The following WDR70 variants were observed in gnomAD, a reference collection of about 807,000 sequenced individuals.
The protein encoded by WDR70 is WD repeat-containing protein 70.
Under a neutral mutation model 88.6 loss-of-function variants are expected in WDR70, and 53 were observed. The ratio of observed to expected loss-of-function variants is 0.60; its 90% confidence interval spans 0.48 to 0.75. The LOEUF (loss-of-function observed/expected upper bound fraction) is 0.75, where lower values mean the gene tolerates loss of function less well. WDR70 is among the 30% of genes least tolerant of loss of function. The pLI is 0.00. For synonymous variants in WDR70, 280 were observed against 270.0 expected (o/e 1.04, Z -0.36); for missense variants, 610 against 823.2 (o/e 0.74, Z 3.17).
intron 13 of WDR70, among the ~76,000 whole-genome samples, chr5:37,713,926 A>G (rs983788434): frequency 1.3e-5 from 2 of 152,206 alleles, no homozygotes; most frequent in African/African-American, 4.8e-5. Flanking sequence ...AATTCTGGCC[A>G]AACTTTCACA....
At chr5:37,505,224 A>G (rs1239230668) in intron 8 of WDR70, among the ~76,000 whole-genome samples, 1 of 152,174 alleles carries the variant, frequency 6.6e-6, no homozygotes, top group African/African-American at 2.4e-5. Context: ...GTAGATCTGG[A>G]TTTAATATCG....
chr5:37,482,632 G>T (rs552423044), intron 8 of WDR70, among the ~76,000 whole-genome samples: 23 of 152,280 alleles, frequency 1.5e-4, no homozygotes, highest in Non-Finnish European at 3.4e-4. Context: ...TATATCAGTA[G>T]GTTTTGACTT....
intron 9 of WDR70, among the ~76,000 whole-genome samples, chr5:37,575,206 C>G (rs544550216): frequency 6.6e-6 from 1 of 152,308 alleles, no homozygotes; most frequent in South Asian, 2.1e-4. Context: ...AGATTATGCT[C>G]TTTCTTGCTG....
At chr5:37,551,417 GCTGT>G (rs1742141623) in intron 9 of WDR70, among the ~76,000 whole-genome samples, 1 of 151,528 alleles carries the variant, frequency 6.6e-6, no homozygotes. Flanking sequence ...GTCTTATTGT[GCTGT>G]CTGTGTCTTG....
At chr5:37,579,444 C>T (rs1743155983) in intron 9 of WDR70, among the ~76,000 whole-genome samples, 1 of 151,742 alleles carries the variant, frequency 6.6e-6, no homozygotes, top group South Asian at 2.1e-4. Flanking sequence ...ATTAGCTGGG[C>T]GTGGTGGTGG....
intron 5 of WDR70, among the ~76,000 whole-genome samples, chr5:37,433,306 C>G (rs1325660834): frequency 1.3e-5 from 2 of 152,300 alleles, no homozygotes; most frequent in East Asian, 3.9e-4. Context: ...AGTGATCCGC[C>G]TACCTTGGCC....
intron 10 of WDR70, among the ~76,000 whole-genome samples, chr5:37,623,542 C>T (rs931203054): frequency 6.6e-6 from 1 of 152,060 alleles, no homozygotes; most frequent in Non-Finnish European, 1.5e-5. Flanking sequence ...AGATTTTATT[C>T]TAAAAGTTAT....
chr5:37,526,278 A>G (rs974628929), intron 9 of WDR70, among the ~76,000 whole-genome samples: 10 of 152,234 alleles, frequency 6.6e-5, no homozygotes, highest in Admixed American at 6.5e-4. Flanking sequence ...CAAAAAGCTT[A>G]TCCACCATGA....
intron 9 of WDR70, among the ~76,000 whole-genome samples, chr5:37,528,805 G>T (rs1741388186): frequency 6.6e-6 from 1 of 151,224 alleles, no homozygotes. Context: ...TGTGCAGAAG[G>T]TTTTTAGTTT....
intron 8 of WDR70, chr5:37,506,019 A>G (rs1740548337): frequency 6.4e-7 from 1 of 1,557,218 alleles, no homozygotes; most frequent in Non-Finnish European, 8.9e-7. Context: ...AGAACAGAGC[A>G]TCTTGACTCC....
At chr5:37,643,240 T>C (rs906606666) in intron 10 of WDR70, among the ~76,000 whole-genome samples, 2 of 152,088 alleles carry the variant, frequency 1.3e-5, no homozygotes, top group African/African-American at 4.8e-5. Flanking sequence ...TTGAAGAGAC[T>C]ATCCTTTCCC....
intron 9 of WDR70, among the ~76,000 whole-genome samples, chr5:37,590,385 T>C (rs1743495401): frequency 1.3e-5 from 2 of 152,226 alleles, no homozygotes; most frequent in African/African-American, 4.8e-5. Context: ...TGTCATCTCT[T>C]GTGTCTAGCT....
At chr5:37,481,133 C>T (rs984992611) in intron 8 of WDR70, among the ~76,000 whole-genome samples, 2 of 152,244 alleles carry the variant, frequency 1.3e-5, no homozygotes, top group Admixed American at 1.3e-4. Flanking sequence ...TACAGCCCCC[C>T]TTCTGGCTGC....
chr5:37,484,007 C>T (rs1237956544), intron 8 of WDR70, among the ~76,000 whole-genome samples: 114 of 152,006 alleles, frequency 7.5e-4, no homozygotes, highest in Non-Finnish European at 1.3e-3. Context: ...GGCGGCCGGG[C>T]AGAGACGCTC....
At chr5:37,515,463 C>G (rs1012930220) in intron 8 of WDR70, among the ~76,000 whole-genome samples, 3 of 152,194 alleles carry the variant, frequency 2.0e-5, no homozygotes, top group Non-Finnish European at 2.9e-5. Context: ...GACTTGCCGT[C>G]TAGTCCTTCC....
intron 9 of WDR70, among the ~76,000 whole-genome samples, chr5:37,600,919 T>C (rs1193612815): frequency 6.6e-6 from 1 of 152,242 alleles, no homozygotes; most frequent in Non-Finnish European, 1.5e-5. Flanking sequence ...TTTTTTGTTT[T>C]TGTTTTTGCT....
chr5:37,433,284 C>G (rs1180647194), intron 5 of WDR70, among the ~76,000 whole-genome samples: 2 of 152,060 alleles, frequency 1.3e-5, no homozygotes, highest in Non-Finnish European at 2.9e-5. Context: ...TGGTCTCAAA[C>G]TCCTGGCCTC....
intron 7 of WDR70, among the ~76,000 whole-genome samples, chr5:37,455,048 A>G (rs1350650902): frequency 6.6e-6 from 1 of 152,212 alleles, no homozygotes; most frequent in African/African-American, 2.4e-5. Context: ...CTAGTAAAGC[A>G]TTCAGTAGAT....
intron 13 of WDR70, among the ~76,000 whole-genome samples, chr5:37,710,446 A>G (rs1318817103): frequency 6.6e-6 from 1 of 152,120 alleles, no homozygotes; most frequent in Non-Finnish European, 1.5e-5. Flanking sequence ...CAAGAATGTC[A>G]TATAAATCAG....
Sources: gnomAD v4.1 joint callset for allele counts (sites outside exome capture counted in the v4.1 genomes callset) on GRCh38, gnomAD v4.1.1 for gene constraint, MANE v1.5 for transcripts, NCBI Gene and HGNC (gene_info 2026-07-23, HGNC 2026-07-21) for gene names.